ENPEP: variants seen among roughly 807,000 people sequenced by gnomAD.
ENPEP encodes the protein AP-A.
Under a neutral mutation model 114.5 loss-of-function variants are expected in ENPEP, and 103 were observed. That is an observed-to-expected ratio of 0.90 (90% CI 0.77 to 1.06). The LOEUF (loss-of-function observed/expected upper bound fraction) is 1.06, where lower values mean the gene tolerates loss of function less well. Ranked by LOEUF, ENPEP falls within the 50% of genes least tolerant of loss-of-function variation. ENPEP has a pLI of 0.00. For synonymous variants in ENPEP, 420 were observed against 422.0 expected (o/e 1.00, Z 0.06); for missense variants, 1,196 against 1,161.3 (o/e 1.03, Z -0.43).
At chr4:110,558,270 T>TTATATATATATATATATATATATATA (rs5861011) in intron 18 of ENPEP, among the ~76,000 whole-genome samples, 6 of 141,700 alleles carry the variant, frequency 4.2e-5, no homozygotes, top group African/African-American at 1.1e-4. Context: ...TTTATAAAAA[T>TTATATATATATATATATATATATATA]TATATATATA....
chr4:110,502,684 T>C (rs1481068972), intron 3 of ENPEP, among the ~76,000 whole-genome samples: 2 of 152,196 alleles, frequency 1.3e-5, no homozygotes, highest in Non-Finnish European at 2.9e-5. Flanking sequence ...AGGCTTGTAG[T>C]ATAGTTTAAA....
intron 10 of ENPEP, among the ~76,000 whole-genome samples, chr4:110,522,621 C>A (rs1726043944): frequency 6.6e-6 from 1 of 152,142 alleles, no homozygotes; most frequent in Admixed American, 6.5e-5. Flanking sequence ...CCAAAACATA[C>A]GTAGATACAC....
At chr4:110,528,290 C>T (rs907840222) in intron 10 of ENPEP, among the ~76,000 whole-genome samples, 1 of 151,990 alleles carries the variant, frequency 6.6e-6, no homozygotes, top group Non-Finnish European at 1.5e-5. Context: ...GTTAAAAATC[C>T]GTAGTAGCTC....
At chr4:110,492,447 C>T (rs535411150) in intron 3 of ENPEP, among the ~76,000 whole-genome samples, 3 of 152,256 alleles carry the variant, frequency 2.0e-5, no homozygotes, top group South Asian at 4.1e-4. Context: ...GGAAAATTTG[C>T]CTTTGCTTTG....
At chr4:110,538,861 GGA>G (rs1003441384) in intron 11 of ENPEP, among the ~76,000 whole-genome samples, 34 of 152,016 alleles carry the variant, frequency 2.2e-4, no homozygotes, top group Middle Eastern at 3.4e-3. Flanking sequence ...CCAAGGGGAA[GGA>G]GAGAGAAAGA....
intron 2 of ENPEP, among the ~76,000 whole-genome samples, chr4:110,489,007 C>G (rs1227633271): frequency 6.6e-6 from 1 of 152,102 alleles, no homozygotes; most frequent in Non-Finnish European, 1.5e-5. Context: ...AATGGAATTA[C>G]AGACTTGAAA....
At chr4:110,506,001 T>C (rs1170026594) in intron 3 of ENPEP, among the ~76,000 whole-genome samples, 1 of 152,230 alleles carries the variant, frequency 6.6e-6, no homozygotes, top group Non-Finnish European at 1.5e-5. Flanking sequence ...AGAATTGATG[T>C]AGCTTACCAA....
At chr4:110,482,584 A>G (rs1724352430) in intron 1 of ENPEP, among the ~76,000 whole-genome samples, 1 of 152,342 alleles carries the variant, frequency 6.6e-6, no homozygotes, top group Admixed American at 6.5e-5. Flanking sequence ...TCTTACCTGC[A>G]TGGATGTGTA....
intron 17 of ENPEP, 45 bp from the exon 18 acceptor site, chr4:110,553,270 A>T: frequency 6.6e-7 from 1 of 1,511,638 alleles, no homozygotes; most frequent in Non-Finnish European, 9.0e-7. Flanking sequence ...AAGGGTGAAC[A>T]TTAAAAGTTC....
At chr4:110,548,091 C>G in intron 13 of ENPEP, 85 bp from the exon 14 acceptor site, 1 of 1,328,966 alleles carries the variant, frequency 7.5e-7, no homozygotes, top group Non-Finnish European at 9.7e-7. Context: ...ATCGCCAAAA[C>G]TTTCAGTTAA....
At chr4:110,552,207 A>C (rs1727316171) in intron 17 of ENPEP, among the ~76,000 whole-genome samples, 1 of 152,140 alleles carries the variant, frequency 6.6e-6, no homozygotes, top group South Asian at 2.1e-4. Context: ...CCTACGATGT[A>C]CTGTCACTCT....
At position 110,476,592 on chromosome 4, in the gene ENPEP, C is replaced by A. The variant is rs1045133585; in HGVS notation, c.178C>A (p.Leu60Met). 1.3e-5 allele frequency: 21 copies of A among 1,614,016 alleles called. No homozygotes were observed. The highest frequency in any genetic ancestry group is 1.5e-5 in the Non-Finnish European group (18 of 1,179,994). ...GGGCACTGCGCCAGCTCCTTCCCACCTGCCTTCTTCCACGGCCAGCCCCTC... is the reference window on the plus strand; with the variant it reads ...GGGCACTGCGCCAGCTCCTTCCCACATGCCTTCTTCCACGGCCAGCCCCTC... ...GPGTAPAPSH[L>M]PSSTASPSGP... Residue 60 changes from leucine (L) to methionine (M), a missense_variant, in exon 1 of 20, where the codon CTG becomes ATG. Coordinates refer to ENST00000265162, the MANE Select transcript of ENPEP (RefSeq NM_001977.4).
At chr4:110,509,839 T>C (rs1725511270) in intron 5 of ENPEP, 32 bp downstream of exon 5, 1 of 1,595,184 alleles carries the variant, frequency 6.3e-7, no homozygotes, top group Admixed American at 1.8e-5. Context: ...TCAGCTTGTT[T>C]TTTTAAAGTG....
Position 110,513,442 on chromosome 4 carries a change from T to C in ENPEP, c.1336T>C (p.Leu446=). ...MRDQMLLEDV[L]PVQEDDSLMS... ...TGACCAAATGTTACTTGAAGATGTATTACCTGTTCAAGAGGATGATTCTTT... is the reference window on the plus strand; with the variant it reads ...TGACCAAATGTTACTTGAAGATGTACTACCTGTTCAAGAGGATGATTCTTT... Residue 446 remains leucine (L), a synonymous_variant, in exon 7 of 20, where the codon TTA becomes CTA. Transcript: ENST00000265162. The C allele has an allele frequency of 1.2e-6, 2 of 1,613,216 alleles. No individual in the cohort carries two copies. The highest frequency in any genetic ancestry group is 1.7e-6 in the Non-Finnish European group (2 of 1,179,478).
At chr4:110,532,728 CA>C (rs1441017667) in intron 11 of ENPEP, among the ~76,000 whole-genome samples, 2 of 152,068 alleles carry the variant, frequency 1.3e-5, no homozygotes, top group African/African-American at 4.8e-5. Flanking sequence ...CCCTTCTGCA[CA>C]GGGATTGCTA....
intron 1 of ENPEP, among the ~76,000 whole-genome samples, chr4:110,479,970 A>G (rs763674043): frequency 3.9e-5 from 6 of 152,218 alleles, no homozygotes; most frequent in Non-Finnish European, 8.8e-5. Context: ...TCACTCTTTG[A>G]GTTATTTTAG....
chr4:110,476,637 C>G lies in ENPEP; in HGVS notation c.223C>G (p.Gln75Glu). 1 of 1,614,134 alleles carries G rather than the reference C, an allele frequency of 6.2e-7. No individual in the cohort carries two copies. Among genetic ancestry groups the G allele is most frequent in the Middle Eastern group, 1.7e-4 (1 of 6,002 alleles). ...ASPSGPPAQD[Q>E]DICPASEDES... Reference sequence around the variant, plus strand: ...CCCCTCAGGTCCTCCTGCCCAGGACCAGGACATCTGCCCGGCCAGTGAGGA... The same window carrying G: ...CCCCTCAGGTCCTCCTGCCCAGGACGAGGACATCTGCCCGGCCAGTGAGGA... The change falls in exon 1 of 20, where the codon CAG (glutamine) becomes GAG (glutamate). Residue 75 changes from glutamine to glutamate, a missense_variant. By Grantham distance (29) the Gln-to-Glu change is conservative (BLOSUM62 2). Transcript: ENST00000265162.
At position 110,548,270 on chromosome 4, in the gene ENPEP, G is replaced by A; in HGVS notation, c.2095G>A (p.Val699Ile). The A allele has an allele frequency of 6.3e-7, 1 of 1,598,734 alleles. No individual in the cohort carries two copies. Among genetic ancestry groups the A allele is most frequent in the East Asian group, 2.3e-5 (1 of 43,934 alleles). ...ACCATGGCAGAGAGTAATTTCAGCT[G>A]TAACCTACATCATTAGCATGTTTGA... The part of the protein sequence containing the change: ...FLPWQRVISA[V>I]TYIISMFEDD... Residue 699 changes from valine to isoleucine, a missense_variant, in exon 14 of 20, where the codon GTA becomes ATA. Val to Ile is a conservative substitution (Grantham distance 29). Transcript: ENST00000265162.
At chr4:110,555,014 A>T (rs1213450367) in intron 18 of ENPEP, among the ~76,000 whole-genome samples, 2 of 152,150 alleles carry the variant, frequency 1.3e-5, no homozygotes, top group Non-Finnish European at 2.9e-5. Context: ...GTAGAAAAAA[A>T]TAGGTTTTGC....
Sources: gnomAD v4.1 joint callset for allele counts (sites outside exome capture counted in the v4.1 genomes callset) on GRCh38, gnomAD v4.1.1 for gene constraint, MANE v1.5 for transcripts, NCBI Gene and HGNC (gene_info 2026-07-23, HGNC 2026-07-21) for gene names.